SNAPC4: variants seen among roughly 807,000 people sequenced by gnomAD.
SNAPC4 encodes small nuclear RNA activating complex polypeptide 4, also known as snRNA-activating protein complex subunit 4.
A neutral mutation model predicts 151.3 loss-of-function variants in SNAPC4; 127 were observed. The observed-to-expected ratio is 0.84, with a 90% CI of 0.73 to 0.97. The LOEUF is 0.97. Ranked by LOEUF, SNAPC4 falls within the 50% of genes least tolerant of loss-of-function variation. The pLI, the probability that SNAPC4 is intolerant of heterozygous loss-of-function variation, is 0.00. For missense variants in SNAPC4, 2,186 were observed against 1,935.0 expected, an observed-to-expected ratio of 1.13 and a Z score of -2.43; for synonymous variants, 1,002 against 824.4, an observed-to-expected ratio of 1.22 and a Z score of -3.69.
chr9:136,390,554 GAA>G (rs58732608), intron 10 of SNAPC4, among the ~76,000 whole-genome samples: 710 of 48,782 alleles, frequency 0.015, 11 homozygotes, highest in Middle Eastern at 0.022. Flanking sequence ...GACTCTGTTT[GAA>G]AAAAAAAAAA....
chr9:136,395,893 A>T, intron 3 of SNAPC4, 123 bp from the exon 4 acceptor site: 1 of 960,304 alleles, frequency 1.0e-6, no homozygotes, highest in South Asian at 1.6e-5. Context: ...AGCAACACCC[A>T]ATGTGGAAGC....
In SNAPC4 at chr9:136,377,734, G is replaced by T; in HGVS notation, c.4093C>A (p.Arg1365=). The T allele has an allele frequency of 1.2e-6, 2 of 1,609,370 alleles. No individual in the cohort carries two copies. The highest frequency in any genetic ancestry group is 2.2e-5 in the South Asian group (2 of 90,914). The change falls in exon 22 of 24, where the codon CGG becomes AGG. Residue 1365 remains arginine, a synonymous_variant. Transcript: ENST00000684778. ...GTGAAGGCTGCCAGGAACCGCGCCC[G>T]CAACAGGAGGTAGGCCGGGTTGTCC... ...LQDNPAYLLL[R]ARFLAAFTLP... is the part of the protein sequence containing the mutation.
intron 6 of SNAPC4, among the ~76,000 whole-genome samples, 196 bp from the exon 7 acceptor site, chr9:136,394,526 G>C (rs1429834494): frequency 6.6e-6 from 1 of 152,250 alleles, no homozygotes; most frequent in Non-Finnish European, 1.5e-5. Flanking sequence ...CACACGTAAA[G>C]CCACAGGGCT....
intron 6 of SNAPC4, 101 bp from the exon 7 acceptor site, chr9:136,394,431 C>T: frequency 9.9e-7 from 1 of 1,010,672 alleles, no homozygotes; most frequent in Non-Finnish European, 1.6e-6. Flanking sequence ...TGGGGGGCCC[C>T]ACAGCGAGTA....
chr9:136,394,106 T>TG, intron 7 of SNAPC4, 143 bp downstream of exon 7: 1 of 716,812 alleles, frequency 1.4e-6, no homozygotes, highest in Non-Finnish European at 2.5e-6. Context: ...TTTGAAGAGA[T>TG]GGGGTCTCAC....
intron 11 of SNAPC4, 33 bp downstream of exon 11, chr9:136,388,411 A>G: frequency 1.2e-6 from 2 of 1,603,782 alleles, no homozygotes; most frequent in Non-Finnish European, 8.5e-7. Context: ...GCCCTGTGAC[A>G]GCCTGAGAGC....
intron 10 of SNAPC4, among the ~76,000 whole-genome samples, chr9:136,391,401 A>G (rs1387422721): frequency 6.6e-6 from 1 of 151,946 alleles, no homozygotes. Context: ...GGAAACATAC[A>G]CTCCTAGATA....
rs201492253 is a variant in SNAPC4 at position 136,395,295 on chromosome 9, C to T, written c.471+3G>A. ...CGACAAGAGCAGGGCCTCGGCCACT[C>T]ACCACGCCCGTGACCTTGTCCTTGA... On this transcript the variant is annotated splice_donor_region_variant and intron_variant, in intron 5 of 23. Transcript: ENST00000684778. 1,083 of 1,612,776 alleles carry T rather than the reference C, an allele frequency of 6.7e-4. 2 individuals carry two copies. The highest frequency in any genetic ancestry group is 7.9e-4 in the Non-Finnish European group (932 of 1,179,512).
chr9:136,398,658 A>AG, intron 1 of SNAPC4: 1 of 496,544 alleles, frequency 2.0e-6, no homozygotes, highest in East Asian at 3.4e-5. Context: ...CAGGAGCCTA[A>AG]GCCCCAAGAA....
chr9:136,395,510 G>C, intron 4 of SNAPC4, 87 bp from the exon 5 acceptor site: 1 of 1,567,062 alleles, frequency 6.4e-7, no homozygotes. Flanking sequence ...AGGAGAGGCA[G>C]GGAGCTGGGG....
Position 136,387,754 on chromosome 9 carries a change from C to T in SNAPC4, c.1218G>A (p.Pro406=), listed in dbSNP as rs760055623. The change falls in exon 12 of 24, where the codon CCG becomes CCA. Residue 406 remains proline (P), a synonymous_variant. Coordinates refer to ENST00000684778, the MANE Select transcript of SNAPC4 (RefSeq NM_003086.4). ...CCCGCACACTTACAGCATCTTCCTCCGGGGCCCAGTAACCCTTCTTCAGAC... is the reference window on the plus strand; with the variant it reads ...CCCGCACACTTACAGCATCTTCCTCTGGGGCCCAGTAACCCTTCTTCAGAC... ...DPGLKKGYWA[P]EEDAKLLQAV... 3.2e-5 allele frequency: 51 copies of T among 1,606,820 alleles called. No homozygotes were observed. The South Asian group carries it at 3.6e-4, about 11-fold the overall frequency.
chr9:136,378,186 G>A lies in SNAPC4; in HGVS notation c.3641C>T (p.Pro1214Leu), dbSNP rs1833536639. The part of the protein sequence containing the change: ...GRLPAFGGVI[P>L]ATEPRGTPGS... ...CGGCGTCCCCCTTGGCTCAGTTGCT[G>A]GGATGACACCACCGAAGGCTGGCAG... The change falls in exon 22 of 24, where the codon CCA (proline) becomes CTA (leucine). Residue 1214 changes from proline to leucine, a missense_variant. Pro to Leu is a moderately conservative substitution (Grantham distance 98). Coordinates refer to ENST00000684778, the MANE Select transcript of SNAPC4 (RefSeq NM_003086.4). The A allele has an allele frequency of 1.2e-6, 2 of 1,612,094 alleles. No individual in the cohort carries two copies. The highest frequency in any genetic ancestry group is 3.3e-5 in the Admixed American group (2 of 59,966).
In SNAPC4 at chr9:136,382,046, G is replaced by C. The variant is rs566105817; in HGVS notation, c.2095C>G (p.Pro699Ala). 6.3e-7 allele frequency: 1 copy of C among 1,598,286 alleles called. No individual in the cohort carries two copies. The highest frequency in any genetic ancestry group is 1.3e-5 in the African/African-American group (1 of 74,644). ...QKEQLRQPPL[P>A]TSSPGVSSGD... Reference sequence around the variant, plus strand: ...GAGCTGACCCCTGGGGATGAGGTGGGCAGGGGTGGCTGCCTCAGCTGCTCT... The same window carrying C: ...GAGCTGACCCCTGGGGATGAGGTGGCCAGGGGTGGCTGCCTCAGCTGCTCT... Residue 699 changes from proline (P) to alanine (A), a missense_variant, in exon 18 of 24, where the codon CCC becomes GCC. Pro to Ala is a conservative substitution (Grantham distance 27). Transcript: ENST00000684778.
At position 136,379,067 on chromosome 9, in the gene SNAPC4, C is replaced by G. The variant is rs748006178; in HGVS notation, c.2760G>C (p.Gln920His). The G allele has an allele frequency of 1.1e-5, 18 of 1,582,082 alleles. No individual in the cohort carries two copies. Among genetic ancestry groups the G allele is most frequent in the Non-Finnish European group, 1.5e-5 (17 of 1,164,866 alleles). Residue 920 changes from glutamine (Q) to histidine (H), a missense_variant, in exon 22 of 24, where the codon CAG (glutamine) becomes CAC (histidine). Physicochemically the swap from Gln to His is conservative, Grantham distance 24 (BLOSUM62 0). Coordinates refer to ENST00000684778, the MANE Select transcript of SNAPC4 (RefSeq NM_003086.4). ...GGATCACAGACGAGGAGACCAGCAGCTGGGACGGGAGCACCACCGGGCCCC... is the reference window on the plus strand; with the variant it reads ...GGATCACAGACGAGGAGACCAGCAGGTGGGACGGGAGCACCACCGGGCCCC... ...ATRGPVVLPSQLLVSSSVILQ... is the reference protein window; with the variant it reads ...ATRGPVVLPSHLLVSSSVILQ...
At chr9:136,394,999 G>T in intron 5 of SNAPC4, 121 bp from the exon 6 acceptor site, 1 of 924,802 alleles carries the variant, frequency 1.1e-6, no homozygotes, top group African/African-American at 1.7e-5. Context: ...CTCCCGTACT[G>T]TGAGGCTGTG....
In SNAPC4 at chr9:136,384,006, G is replaced by A. The variant is rs1351024357; in HGVS notation, c.1447C>T (p.Leu483=). 1.2e-6 allele frequency: 2 copies of A among 1,613,762 alleles called. No homozygotes were observed. Among genetic ancestry groups the A allele is most frequent in the African/African-American group, 2.7e-5 (2 of 75,020 alleles). Residue 483 remains leucine (L), a synonymous_variant, in exon 15 of 24, where the codon CTG becomes TTG. Transcript: ENST00000684778. ...VGHWAKIASE[L]PHRSGSQCLS... is the part of the protein sequence containing the mutation. ...CACTGGGAGCCAGACCGATGGGGCA[G>A]CTCAGAAGCTATTTTTGCCCAGTGA...
intron 10 of SNAPC4, among the ~76,000 whole-genome samples, chr9:136,389,541 C>T (rs947383727): frequency 4.0e-5 from 6 of 150,996 alleles, no homozygotes; most frequent in Admixed American, 1.3e-4. Flanking sequence ...AAAACCACCA[C>T]CCCGGGGTGT....
At chr9:136,397,406 GAT>G (rs1834310620) in intron 2 of SNAPC4, among the ~76,000 whole-genome samples, 1 of 151,396 alleles carries the variant, frequency 6.6e-6, no homozygotes, top group Non-Finnish European at 1.5e-5. Context: ...ACAGGAGAAA[GAT>G]AGCAGGTTGC....
rs549278178 is a variant in SNAPC4 at position 136,387,806 on chromosome 9, T to C, written c.1166A>G (p.Tyr389Cys). The change falls in exon 12 of 24, where the codon TAC becomes TGC. Residue 389 changes from tyrosine (Y) to cysteine (C), a missense_variant. Tyr to Cys is a radical substitution (Grantham distance 194). Transcript: ENST00000684778. ...AGGATCCAAGCTCTTGGTCCATCGGTAGATCAGCTGCATGGAGTCTCTCCC... is the reference window on the plus strand; with the variant it reads ...AGGATCCAAGCTCTTGGTCCATCGGCAGATCAGCTGCATGGAGTCTCTCCC... The part of the protein sequence containing the change: ...MEGRDSMQLI[Y>C]RWTKSLDPGL... 3 of 1,612,644 alleles carry C rather than the reference T, an allele frequency of 1.9e-6. No individual in the cohort carries two copies. The highest frequency in any genetic ancestry group is 1.7e-5 in the Admixed American group (1 of 60,018).
Sources: allele counts gnomAD v4.1 joint callset (sites outside exome capture counted in the v4.1 genomes callset), GRCh38; gene constraint gnomAD v4.1.1; transcripts MANE v1.5; gene names NCBI Gene and HGNC (gene_info 2026-07-23, HGNC 2026-07-21).